PEDS1: variants seen among roughly 807,000 people sequenced by gnomAD.
The protein encoded by PEDS1 is plasmanylethanolamine desaturase 1, also known as CarF homolog.
A neutral mutation model predicts 35.2 loss-of-function variants in PEDS1; 14 were observed. That is an observed-to-expected ratio of 0.40 (90% CI 0.26 to 0.62). The LOEUF is 0.62. Among genes scored for constraint, PEDS1 ranks in the 20% least tolerant of loss-of-function variants. The probability of loss-of-function intolerance (pLI) is 0.44; values close to 1 mark genes in which losing one functional copy is unlikely to be tolerated. For synonymous variants in PEDS1, 152 were observed against 152.0 expected, an observed-to-expected ratio of 1.00 and a Z score of 0.00; for missense variants, 260 against 367.8, an observed-to-expected ratio of 0.71 and a Z score of 2.40.
At chr20:50,139,130 C>T (rs1188699595) in intron 2 of PEDS1, among the ~76,000 whole-genome samples, 9 of 152,164 alleles carry the variant, frequency 5.9e-5, no homozygotes, top group East Asian at 1.9e-4. Context: ...AGCCACAGGA[C>T]GGGCCACGAC....
chr20:50,136,633 G>C (rs1371310465), intron 2 of PEDS1, among the ~76,000 whole-genome samples: 1 of 142,640 alleles, frequency 7.0e-6, no homozygotes, highest in South Asian at 2.2e-4. Flanking sequence ...TGAGGCAGGA[G>C]AATCACTTGA....
rs928406748 is a variant in PEDS1 at position 50,129,904 on chromosome 20, T to C, written c.334-214A>G. Among the ~76,000 whole-genome samples, 2 of 152,108 alleles carry C rather than the reference T, an allele frequency of 1.3e-5. No individual in the cohort carries two copies. The highest frequency in any genetic ancestry group is 4.8e-5 in the African/African-American group (2 of 41,420). ...GAGCCGAAATGACCCTGGAAGGGCTTTGGGTTGGCACTGTCTGCCTCTGGG... is the reference window on the plus strand; with the variant it reads ...GAGCCGAAATGACCCTGGAAGGGCTCTGGGTTGGCACTGTCTGCCTCTGGG... On this transcript the variant is annotated intron_variant, in intron 3 of 5. Coordinates refer to ENST00000371652, the MANE Select transcript of PEDS1 (RefSeq NM_199129.4). The surrounding 1 kb of genome is among the most constrained non-coding windows in gnomAD (Gnocchi z 4.2).
intron 2 of PEDS1, among the ~76,000 whole-genome samples, chr20:50,139,919 C>T (rs1399797433): frequency 6.6e-6 from 1 of 152,024 alleles, no homozygotes; most frequent in East Asian, 1.9e-4. Flanking sequence ...AACCACCATG[C>T]CCGGCCGGAC....
At chr20:50,150,584 CT>C (rs1426478629) in intron 1 of PEDS1, among the ~76,000 whole-genome samples, 1 of 152,216 alleles carries the variant, frequency 6.6e-6, no homozygotes, top group Non-Finnish European at 1.5e-5. Flanking sequence ...TCAGATCCCC[CT>C]CTCCTGCTAT....
In PEDS1 at chr20:50,129,728, A is replaced by T; in HGVS notation, c.334-38T>A. ...GGGACACAGCCCCAGCAGTCAGCCT[A>T]AGGTGGTCAGCTGCTCTCCACAGCC... On this transcript the variant is annotated intron_variant, in intron 3 of 5. Transcript: ENST00000371652. This position sits in a 1 kb window ranked among gnomAD's most constrained non-coding sequence, Gnocchi z 4.2. 2 of 1,609,916 alleles carry T rather than the reference A, an allele frequency of 1.2e-6. No individual in the cohort carries two copies. Among genetic ancestry groups the T allele is most frequent in the South Asian group, 2.2e-5 (2 of 90,960 alleles).
At chr20:50,149,069 C>T (rs958408673) in intron 1 of PEDS1, among the ~76,000 whole-genome samples, 2 of 152,206 alleles carry the variant, frequency 1.3e-5, no homozygotes, top group East Asian at 3.9e-4. Context: ...GCTGCAATCG[C>T]TCCATCACAC....
At chr20:50,145,487 G>A (rs557023368) in intron 1 of PEDS1, among the ~76,000 whole-genome samples, 1 of 152,274 alleles carries the variant, frequency 6.6e-6, no homozygotes, top group East Asian at 1.9e-4. Context: ...CTGAGGTCAG[G>A]AGTTTGAGAC....
At chr20:50,139,139 A>G (rs1317715192) in intron 2 of PEDS1, among the ~76,000 whole-genome samples, 1 of 151,978 alleles carries the variant, frequency 6.6e-6, no homozygotes, top group Non-Finnish European at 1.5e-5. Context: ...ACGGGCCACG[A>G]CCCGAGCCTG....
At chr20:50,133,466 A>G (rs2081200371) in intron 2 of PEDS1, among the ~76,000 whole-genome samples, 1 of 151,936 alleles carries the variant, frequency 6.6e-6, no homozygotes, top group Non-Finnish European at 1.5e-5. Flanking sequence ...AGGGGTTGGG[A>G]CTCAGCAAGG....
intron 2 of PEDS1, among the ~76,000 whole-genome samples, chr20:50,132,941 G>A (rs2081194843): frequency 1.3e-5 from 2 of 152,180 alleles, no homozygotes; most frequent in Admixed American, 1.3e-4. Context: ...AGAGGACAAA[G>A]GCAGCTGTGA....
chr20:50,150,054 C>T (rs534942418), intron 1 of PEDS1, among the ~76,000 whole-genome samples: 3 of 151,968 alleles, frequency 2.0e-5, no homozygotes. Context: ...AGGGCAGATG[C>T]GGGCCTAACC....
chr20:50,129,691 C>G lies in PEDS1; in HGVS notation c.334-1G>C, dbSNP rs760250144. On this transcript the variant is annotated splice_acceptor_variant, in intron 3 of 5. Transcript: ENST00000371652. LOFTEE classifies it high-confidence loss of function. This position sits in a 1 kb window ranked among gnomAD's most constrained non-coding sequence, Gnocchi z 4.2. ...GCTCCCGGAAGGGTCGGATGAAAGC[C>G]TGGAGTTGAGGGGGACACAGCCCCA... is the stretch of plus-strand genomic sequence containing the variant. 1 of 1,613,916 alleles carries G rather than the reference C, an allele frequency of 6.2e-7. No homozygotes were observed. Among genetic ancestry groups the G allele is most frequent in the South Asian group, 1.1e-5 (1 of 91,078 alleles).
At position 50,118,360 on chromosome 20, in the gene PEDS1, C is replaced by T. The variant is rs1268508708; in HGVS notation, c.*6698G>A. ...TCACACCTATCCTATGAGGTAGGTA[C>T]CATTATTATTCCCATTTTGCAGGTG... is the stretch of plus-strand genomic sequence containing the variant. On this transcript the variant is annotated 3_prime_UTR_variant, in exon 6 of 6. Coordinates refer to ENST00000371652, the MANE Select transcript of PEDS1 (RefSeq NM_199129.4). The T allele has an allele frequency of 2.6e-5, 4 of 152,122 alleles. No individual in the cohort carries two copies. The highest frequency in any genetic ancestry group is 5.9e-5 in the Non-Finnish European group (4 of 68,062). 9.4% of individuals were successfully genotyped at this position (152,122 alleles called of 1,614,324 possible). A position where few individuals can be genotyped will look rare whatever the true frequency, so the allele number is the denominator to read the frequency against.
intron 1 of PEDS1, 90 bp downstream of exon 1, chr20:50,153,427 C>T (rs2081426463): frequency 8.1e-7 from 1 of 1,236,576 alleles, no homozygotes. Context: ...AGTTCCGCAT[C>T]TGGGCCCGAG....
rs2081149942 is a variant in PEDS1, at chr20:50,129,466, C to T, written c.478+80G>A. On this transcript the variant is annotated intron_variant, in intron 4 of 5. Transcript: ENST00000371652. The surrounding 1 kb of genome is among the most constrained non-coding windows in gnomAD (Gnocchi z 4.2). ...TTAAAATACCATAAGGAGCCAAACA[C>T]ATAAGCCCCAGAAGGCTCCTGGGGG... 5.7e-6 allele frequency: 9 copies of T among 1,570,512 alleles called. 1 individual carries two copies. Among genetic ancestry groups the T allele is most frequent in the Non-Finnish European group, 7.8e-6 (9 of 1,158,086 alleles).
chr20:50,127,347 T>G (rs978787543), intron 5 of PEDS1, among the ~76,000 whole-genome samples: 31 of 137,574 alleles, frequency 2.3e-4, no homozygotes, highest in Non-Finnish European at 2.0e-4. Flanking sequence ...CTGGTTTTTT[T>G]TTTTTTTTTT....
In PEDS1 at chr20:50,131,543, A is replaced by C. The variant is rs376281119; in HGVS notation, c.242-596T>G. 4.8e-4 allele frequency among the ~76,000 whole-genome samples: 73 copies of C among 151,168 alleles called. No homozygotes were observed. The East Asian group carries it at 9.0e-3, about 19-fold the overall frequency. ...AAGCTGAGGCAGGAGAATCACTTGAACTCGGGAGGCGGAGGTTGCAGTGAG... is the reference window on the plus strand; with the variant it reads ...AAGCTGAGGCAGGAGAATCACTTGACCTCGGGAGGCGGAGGTTGCAGTGAG... On this transcript the variant is annotated intron_variant, in intron 2 of 5. Coordinates refer to ENST00000371652, the MANE Select transcript of PEDS1 (RefSeq NM_199129.4).
intron 1 of PEDS1, among the ~76,000 whole-genome samples, chr20:50,152,651 G>C (rs1476952625): frequency 1.3e-5 from 2 of 152,194 alleles, no homozygotes; most frequent in African/African-American, 4.8e-5. Flanking sequence ...CAGAGAGGGA[G>C]AGGTGAACTC....
At chr20:50,143,750 T>C in intron 1 of PEDS1, 129 bp from the exon 2 acceptor site, 2 of 1,426,280 alleles carry the variant, frequency 1.4e-6, no homozygotes, top group South Asian at 1.5e-5. Context: ...CAGGCTGGAG[T>C]GCAGTGGTGC....
Sources: allele counts gnomAD v4.1 joint callset (sites outside exome capture counted in the v4.1 genomes callset), GRCh38; gene constraint gnomAD v4.1.1; non-coding constraint Gnocchi (gnomAD v3.1); transcripts MANE v1.5; gene names NCBI Gene and HGNC (gene_info 2026-07-23, HGNC 2026-07-21).